The following C2CD2 variants were observed in gnomAD, a reference collection of about 807,000 sequenced individuals.
C2CD2 encodes C2 calcium dependent domain containing 2, also known as C2 domain-containing protein 2.
A neutral mutation model predicts 74.3 loss-of-function variants in C2CD2; 43 were observed. That is an observed-to-expected ratio of 0.58 (90% CI 0.45 to 0.75). The LOEUF is 0.75. Ranked by LOEUF, C2CD2 falls within the 30% of genes least tolerant of loss-of-function variation. The probability of loss-of-function intolerance (pLI) is 0.00; values close to 1 mark genes in which losing one functional copy is unlikely to be tolerated. For missense variants in C2CD2, 801 were observed against 916.3 expected (o/e 0.87, Z 1.63); for synonymous variants, 422 against 390.7 (o/e 1.08, Z -0.94).
chr21:41,895,546 G>A lies in C2CD2; in HGVS notation c.1870+3507C>T, dbSNP rs189800166. On this transcript the variant is annotated intron_variant, in intron 13 of 13. Transcript: ENST00000380486. This position sits in a 1 kb window ranked among gnomAD's most constrained non-coding sequence, Gnocchi z 5.0. ...TCAAGATTCCTGAAGATAATTTGGG[G>A]AGTGGTTATGTGAAATTGGAGGCAA... 2.8e-4 allele frequency among the ~76,000 whole-genome samples: 42 copies of A among 152,324 alleles called. 1 individual carries two copies. Among genetic ancestry groups the A allele is most frequent in the East Asian group, 1.7e-3 (9 of 5,192 alleles).
chr21:41,927,602 T>C (rs920273239), intron 2 of C2CD2, among the ~76,000 whole-genome samples: 2 of 151,642 alleles, frequency 1.3e-5, no homozygotes, highest in Non-Finnish European at 2.9e-5. Flanking sequence ...TCCCGAGTAG[T>C]TGGGACTACA....
Position 41,903,775 on chromosome 21 carries a change from G to T in C2CD2, c.1432+1949C>A, listed in dbSNP as rs1049231503. Among the ~76,000 whole-genome samples the T allele has an allele frequency of 2.6e-5, 4 of 152,072 alleles. No individual in the cohort carries two copies. Among genetic ancestry groups the T allele is most frequent in the Non-Finnish European group, 5.9e-5 (4 of 68,008 alleles). On this transcript the variant is annotated intron_variant, in intron 11 of 13. Transcript: ENST00000380486. The surrounding 1 kb of genome is among the most constrained non-coding windows in gnomAD (Gnocchi z 4.5). ...AGCCTGCACCGTGGCAGGTGAGCCT[G>T]GGGGCCGGCTCCATGGACCATGCAT...
chr21:41,937,680 A>G (rs1357048304), intron 2 of C2CD2, among the ~76,000 whole-genome samples: 2 of 152,348 alleles, frequency 1.3e-5, no homozygotes, highest in Non-Finnish European at 2.9e-5. Flanking sequence ...AGCATTATTC[A>G]AAACAGCCAA....
At chr21:41,941,530 T>A (rs1045363613) in intron 2 of C2CD2, among the ~76,000 whole-genome samples, 2 of 152,192 alleles carry the variant, frequency 1.3e-5, no homozygotes, top group African/African-American at 4.8e-5. Context: ...CACATAAATA[T>A]ATGTACATAA....
chr21:41,947,486 T>A (rs1346040572), intron 1 of C2CD2, among the ~76,000 whole-genome samples: 1 of 152,142 alleles, frequency 6.6e-6, no homozygotes, highest in African/African-American at 2.4e-5. Flanking sequence ...ATTGCATTAA[T>A]CTCCTTGTGT....
In C2CD2 at chr21:41,923,082, G is replaced by A. The variant is rs1256471456; in HGVS notation, c.379-997C>T. On this transcript the variant is annotated intron_variant, in intron 2 of 13. Transcript: ENST00000380486. The surrounding 1 kb of genome is among the most constrained non-coding windows in gnomAD (Gnocchi z 5.8). ...ACAATCTTAGCTCACTGCAACCTCC[G>A]CCTCCCGGGTTCACACGATTCTCCT... is the stretch of plus-strand genomic sequence containing the variant. Among the ~76,000 whole-genome samples the A allele has an allele frequency of 2.0e-5, 3 of 150,982 alleles. No individual in the cohort carries two copies. Among genetic ancestry groups the A allele is most frequent in the South Asian group, 2.1e-4 (1 of 4,774 alleles).
chr21:41,889,405 G>A (rs2064722094), intron 13 of C2CD2, 61 bp from the exon 14 acceptor site: 3 of 1,157,978 alleles, frequency 2.6e-6, no homozygotes, highest in Non-Finnish European at 3.9e-6. Flanking sequence ...TGAATGACTG[G>A]TCCAATCGGA....
chr21:41,907,736 G>A lies in C2CD2; in HGVS notation c.1067C>T (p.Pro356Leu), dbSNP rs770375050. Residue 356 changes from proline (P) to leucine (L), a missense_variant, in exon 9 of 14, where the codon CCT (proline) becomes CTT (leucine). Coordinates refer to ENST00000380486, the MANE Select transcript of C2CD2 (RefSeq NM_015500.2). ...TVPLDLFKKQ[P>L]SGPQSFTLTS... ...CAGCGTGAAGCTCTGTGGCCCAGAA[G>A]GCTGCTTCTTAAATAAGTCCAGAGG... The A allele has an allele frequency of 7.6e-5, 122 of 1,613,608 alleles. No homozygotes were observed. The highest frequency in any genetic ancestry group is 1.0e-4 in the Non-Finnish European group (120 of 1,179,918).
At chr21:41,922,837 T>G (rs2065170131) in intron 2 of C2CD2, among the ~76,000 whole-genome samples, 2 of 152,170 alleles carry the variant, frequency 1.3e-5, no homozygotes, top group Admixed American at 1.3e-4. Flanking sequence ...AATTTAGAGT[T>G]TCAAAGTTGG....
rs2064866137 is a variant in C2CD2 at position 41,899,430 on chromosome 21, AAAGCACTCTCCAAAACATTCTG to A, written c.1561-90_1561-69del. The A allele has an allele frequency of 1.4e-6, 2 of 1,406,032 alleles. No homozygotes were observed. Among genetic ancestry groups the A allele is most frequent in the Non-Finnish European group, 2.0e-6 (2 of 1,022,554 alleles). 87.1% of individuals were successfully genotyped at this position (1,406,032 alleles called of 1,614,324 possible). ...GAAGGGAGGGTTTGAAAAGAACTGA[AAAGCACTCTCCAAAACATTCTG>A]ACAGCTGATTTCAAAGTCTCAGAAG... On this transcript the variant is annotated intron_variant, in intron 12 of 13. Coordinates refer to ENST00000380486, the MANE Select transcript of C2CD2 (RefSeq NM_015500.2). This position sits in a 1 kb window ranked among gnomAD's most constrained non-coding sequence, Gnocchi z 4.4.
Position 41,953,736 on chromosome 21 carries a change from A to AG in C2CD2, c.-89dup, listed in dbSNP as rs2065470623. 8.2e-7 allele frequency: 1 copy of AG among 1,212,510 alleles called. No individual in the cohort carries two copies. The highest frequency in any genetic ancestry group is 1.6e-5 in the African/African-American group (1 of 63,250). 75.1% of individuals were successfully genotyped at this position (1,212,510 alleles called of 1,614,324 possible). On this transcript the variant is annotated 5_prime_UTR_variant, in exon 1 of 14. Transcript: ENST00000380486. ...CAGGACACGCGCTGGCTGCGGCCAC[A>AG]GCGCGCTGGGGGCGTGGAGGGGGCG...
chr21:41,943,457 A>C (rs1417573611), intron 1 of C2CD2, among the ~76,000 whole-genome samples: 3 of 152,188 alleles, frequency 2.0e-5, no homozygotes, highest in Non-Finnish European at 4.4e-5. Context: ...TACATCAACA[A>C]CACAATCCCA....
At chr21:41,951,671 T>C (rs1337975657) in intron 1 of C2CD2, among the ~76,000 whole-genome samples, 1 of 152,166 alleles carries the variant, frequency 6.6e-6, no homozygotes, top group Non-Finnish European at 1.5e-5. Flanking sequence ...AATATTTCTT[T>C]CAGTGTTCTC....
intron 13 of C2CD2, among the ~76,000 whole-genome samples, chr21:41,889,823 C>T (rs1366311642): frequency 1.3e-5 from 2 of 151,980 alleles, no homozygotes; most frequent in African/African-American, 2.4e-5. Flanking sequence ...CTAGTAGAGA[C>T]AGGGTTTCAC....
rs571445619 is a variant in C2CD2 at position 41,886,421 on chromosome 21, C to T, written c.*2703G>A. On this transcript the variant is annotated 3_prime_UTR_variant, in exon 14 of 14. Coordinates refer to ENST00000380486, the MANE Select transcript of C2CD2 (RefSeq NM_015500.2). ...AACCTGTATAAAACAGCTTGGAAAA[C>T]AAACATTCACAGTATCAATACAGCC... 6.6e-6 allele frequency: 1 copy of T among 152,280 alleles called. No individual in the cohort carries two copies. The highest frequency in any genetic ancestry group is 2.4e-5 in the African/African-American group (1 of 41,554). The allele number at this position is 152,280 out of a possible 1,614,324, so 9.4% of individuals were successfully genotyped here. A position where few individuals can be genotyped will look rare whatever the true frequency, so the allele number is the denominator to read the frequency against.
intron 13 of C2CD2, among the ~76,000 whole-genome samples, chr21:41,896,942 A>G (rs1337241063): frequency 3.3e-5 from 5 of 152,222 alleles, no homozygotes; most frequent in Non-Finnish European, 7.3e-5. Flanking sequence ...CCTGGGGTCA[A>G]TGAGGTAGGG....
intron 3 of C2CD2, among the ~76,000 whole-genome samples, chr21:41,920,438 C>A (rs2065142982): frequency 6.6e-6 from 1 of 152,248 alleles, no homozygotes; most frequent in Non-Finnish European, 1.5e-5. Context: ...AGTGGACTCT[C>A]ACCTCATGCT....
chr21:41,928,580 C>T (rs182776144), intron 2 of C2CD2, among the ~76,000 whole-genome samples: 201 of 146,912 alleles, frequency 1.4e-3, no homozygotes, highest in African/African-American at 4.7e-3. Context: ...ACAACTGAGC[C>T]GAGCTTCCTG....
chr21:41,933,297 A>C (rs2065279013), intron 2 of C2CD2, among the ~76,000 whole-genome samples: 1 of 134,172 alleles, frequency 7.5e-6, no homozygotes, highest in East Asian at 2.1e-4. Flanking sequence ...TGCCCAGCTG[A>C]GGGAACACGA....
Sources: allele counts gnomAD v4.1 joint callset (sites outside exome capture counted in the v4.1 genomes callset), GRCh38; gene constraint gnomAD v4.1.1; non-coding constraint Gnocchi (gnomAD v3.1); transcripts MANE v1.5; gene names NCBI Gene and HGNC (gene_info 2026-07-23, HGNC 2026-07-21).